The following TIGIT variants were observed in gnomAD, a reference collection of about 807,000 sequenced individuals.
TIGIT encodes T cell immunoreceptor with Ig and ITIM domains.
Under a neutral mutation model 19.6 loss-of-function variants are expected in TIGIT, and 11 were observed. The observed-to-expected ratio is 0.56, with a 90% CI of 0.35 to 0.93. TIGIT has a LOEUF of 0.93. Ranked by LOEUF, TIGIT falls within the 40% of genes least tolerant of loss-of-function variation. TIGIT has a pLI of 0.01. For missense variants in TIGIT, 295 were observed against 303.9 expected, an observed-to-expected ratio of 0.97 and a Z score of 0.22; for synonymous variants, 130 against 125.5, an observed-to-expected ratio of 1.04 and a Z score of -0.24.
Position 114,295,804 on chromosome 3 carries a change from C to T in TIGIT, c.321C>T (p.Phe107=). The T allele has an allele frequency of 1.9e-6, 3 of 1,614,196 alleles. No homozygotes were observed. Among genetic ancestry groups the T allele is most frequent in the African/African-American group, 1.3e-5 (1 of 75,046 alleles). The change falls in exon 2 of 4, where the codon TTC becomes TTT. Residue 107 remains phenylalanine, a synonymous_variant. Coordinates refer to ENST00000383671, the MANE Select transcript of TIGIT (RefSeq NM_173799.4). ...CCGTGAACGATACAGGGGAGTACTTCTGCATCTATCACACCTACCCTGATG... is the reference window on the plus strand; with the variant it reads ...CCGTGAACGATACAGGGGAGTACTTTTGCATCTATCACACCTACCCTGATG... ...SLTVNDTGEY[F]CIYHTYPDGT...
Position 114,303,496 on chromosome 3 carries a change from T to C in TIGIT, c.498+3793T>C, listed in dbSNP as rs888900910. 8.2e-5 allele frequency among the ~76,000 whole-genome samples: 4 copies of C among 49,012 alleles called. No homozygotes were observed. The East Asian group carries it at 2.5e-3, about 31-fold the overall frequency. The allele number at this position is 49,012 out of a possible 152,430, so 32.2% of individuals were successfully genotyped here. On this transcript the variant is annotated intron_variant, in intron 3 of 3. Transcript: ENST00000383671. ...GCTGAGTAGTATTCCATGGTGTGTA[T>C]ATATATATGTATATATATATACACA... is the stretch of plus-strand genomic sequence containing the variant.
chr3:114,294,028 A>G lies in TIGIT; in HGVS notation c.-34A>G. On this transcript the variant is annotated 5_prime_UTR_variant, in exon 1 of 4. Transcript: ENST00000383671. ...GCTACTTTCAGTGGCAGAAGAGGCC[A>G]CATCTGCTTCCTGTAGGCCCTCTGG... 1 of 1,515,356 alleles carries G rather than the reference A, an allele frequency of 6.6e-7. No individual in the cohort carries two copies. The highest frequency in any genetic ancestry group is 9.0e-7 in the Non-Finnish European group (1 of 1,113,604). 93.9% of individuals were successfully genotyped at this position (1,515,356 alleles called of 1,614,324 possible).
At chr3:114,294,454 G>A (rs2078440696) in intron 1 of TIGIT, among the ~76,000 whole-genome samples, 1 of 152,286 alleles carries the variant, frequency 6.6e-6, no homozygotes, top group African/African-American at 2.4e-5. Context: ...TCCTGCTCCA[G>A]CTTCTTTTCT....
rs149263615 is a variant in TIGIT, at chr3:114,299,622, G to T, written c.417G>T (p.Gln139His). The T allele has an allele frequency of 7.0e-5, 113 of 1,613,488 alleles. No homozygotes were observed. In the East Asian group the frequency reaches 2.4e-3, roughly 34 times the overall value. ...SSVAEHGARF[Q>H]IPLLGAMAAT... Reference sequence around the variant, plus strand: ...TGGCTGAGCACGGTGCCAGGTTCCAGATTCCATTGCTTGGAGCCATGGCCG... The same window carrying T: ...TGGCTGAGCACGGTGCCAGGTTCCATATTCCATTGCTTGGAGCCATGGCCG... The change falls in exon 3 of 4, where the codon CAG becomes CAT. Residue 139 changes from glutamine to histidine, a missense_variant. Physicochemically the swap from Gln to His is conservative, Grantham distance 24 (BLOSUM62 0). Transcript: ENST00000383671.
intron 3 of TIGIT, among the ~76,000 whole-genome samples, chr3:114,304,770 G>A (rs2078520118): frequency 6.6e-6 from 1 of 152,228 alleles, no homozygotes; most frequent in Admixed American, 6.5e-5. Flanking sequence ...CCATCAAGGG[G>A]AAGTGGGCCA....
chr3:114,302,846 A>C (rs1380272753), intron 3 of TIGIT, among the ~76,000 whole-genome samples: 1 of 152,222 alleles, frequency 6.6e-6, no homozygotes, highest in Non-Finnish European at 1.5e-5. Flanking sequence ...TAGAAAAGTC[A>C]ATATAATCAG....
rs73856293 is a variant in TIGIT, at chr3:114,294,137, C to A, written c.61+15C>A. 2.1e-3 allele frequency: 3,225 copies of A among 1,546,348 alleles called. 69 individuals carry two copies. The African/African-American group carries it at 0.04, about 19-fold the overall frequency. On this transcript the variant is annotated intron_variant, in intron 1 of 3. Coordinates refer to ENST00000383671, the MANE Select transcript of TIGIT (RefSeq NM_173799.4). ...CCTCGCCTCAGGTAAGGCCTGAAAC[C>A]CAGCAGAGCAGCAGGGAGGAAAAAC...
chr3:114,295,279 G>C (rs1012590212), intron 1 of TIGIT, among the ~76,000 whole-genome samples: 1 of 152,156 alleles, frequency 6.6e-6, no homozygotes, highest in Non-Finnish European at 1.5e-5. Flanking sequence ...GGCTGGAGTA[G>C]AGATGTGTGG....
In TIGIT at chr3:114,295,710, A is replaced by C; in HGVS notation, c.227A>C (p.His76Pro). ...ATTTGTAATGCTGACTTGGGGTGGC[A>C]CATCTCCCCATCCTTCAAGGATCGA... ...LAICNADLGW[H>P]ISPSFKDRVA... Residue 76 changes from histidine to proline, a missense_variant, in exon 2 of 4, where the codon CAC (histidine) becomes CCC (proline). His to Pro is a moderately conservative substitution (Grantham distance 77, BLOSUM62 -2). Coordinates refer to ENST00000383671, the MANE Select transcript of TIGIT (RefSeq NM_173799.4). 1.9e-6 allele frequency: 3 copies of C among 1,614,222 alleles called. No homozygotes were observed. Among genetic ancestry groups the C allele is most frequent in the Non-Finnish European group, 2.5e-6 (3 of 1,180,034 alleles).
chr3:114,295,530 C>A lies in TIGIT; in HGVS notation c.62-15C>A, dbSNP rs777506631. On this transcript the variant is annotated splice_polypyrimidine_tract_variant and intron_variant, in intron 1 of 3. Transcript: ENST00000383671. ...GCTGACCCAGGACTCACATGTGCTT[C>A]GTCCTCTTCCCTAGGAATGATGACA... 1 of 1,599,242 alleles carries A rather than the reference C, an allele frequency of 6.3e-7. No individual in the cohort carries two copies. Among genetic ancestry groups the A allele is most frequent in the East Asian group, 2.2e-5 (1 of 44,778 alleles).
chr3:114,295,633 C>T lies in TIGIT; in HGVS notation c.150C>T (p.Thr50=), dbSNP rs745341665. The change falls in exon 2 of 4, where the codon ACC becomes ACT. Residue 50 remains threonine, a synonymous_variant. Coordinates refer to ENST00000383671, the MANE Select transcript of TIGIT (RefSeq NM_173799.4). ...SIILQCHLSS[T]TAQVTQVNWE... Reference sequence around the variant, plus strand: ...TCTTACAATGTCACCTCTCCTCCACCACGGCACAAGTGACCCAGGTCAACT... The same window carrying T: ...TCTTACAATGTCACCTCTCCTCCACTACGGCACAAGTGACCCAGGTCAACT... The T allele has an allele frequency of 6.2e-7, 1 of 1,614,196 alleles. No individual in the cohort carries two copies. Among genetic ancestry groups the T allele is most frequent in the Admixed American group, 1.7e-5 (1 of 60,028 alleles).
rs150817616 is a variant in TIGIT, at chr3:114,300,702, C to T, written c.498+999C>T. 4.6e-4 allele frequency among the ~76,000 whole-genome samples: 70 copies of T among 152,068 alleles called. No homozygotes were observed. In the East Asian group the frequency reaches 9.7e-3, roughly 21 times the overall value. On this transcript the variant is annotated intron_variant, in intron 3 of 3. Transcript: ENST00000383671. ...AAGTCCAGGAGCATGGTGTATTTGG[C>T]GAGGTTCATCCCACGGCAGAAGGCA... is the stretch of plus-strand genomic sequence containing the variant.
chr3:114,299,591 C>G lies in TIGIT; in HGVS notation c.392-6C>G, dbSNP rs201882472. The G allele has an allele frequency of 1.8e-3, 2,854 of 1,609,536 alleles. 6 individuals are homozygous for G. The highest frequency in any genetic ancestry group is 2.1e-3 in the Non-Finnish European group (2,455 of 1,176,504). On this transcript the variant is annotated splice_polypyrimidine_tract_variant and splice_region_variant and intron_variant, in intron 2 of 3. Transcript: ENST00000383671. ...GCCACTCATCTCTGTTTTGTCCTCCCTCTAGTGGCTGAGCACGGTGCCAGG... is the reference window on the plus strand; with the variant it reads ...GCCACTCATCTCTGTTTTGTCCTCCGTCTAGTGGCTGAGCACGGTGCCAGG...
chr3:114,296,268 G>T (rs2078453156), intron 2 of TIGIT, among the ~76,000 whole-genome samples: 3 of 152,208 alleles, frequency 2.0e-5, no homozygotes, highest in Admixed American at 6.5e-5. Flanking sequence ...AGTAGAGCTG[G>T]TTAAAAACAT....
At chr3:114,305,698 A>G (rs2078529015) in intron 3 of TIGIT, among the ~76,000 whole-genome samples, 1 of 152,022 alleles carries the variant, frequency 6.6e-6, no homozygotes. Flanking sequence ...GGAAAATGGG[A>G]GTGCTGGTCA....
At chr3:114,296,253 T>C (rs1024141512) in intron 2 of TIGIT, among the ~76,000 whole-genome samples, 2 of 152,238 alleles carry the variant, frequency 1.3e-5, no homozygotes, top group Non-Finnish European at 2.9e-5. Context: ...CCTAAGTGTA[T>C]AAAGAGTAGA....
rs778538488 is a variant in TIGIT at position 114,309,230 on chromosome 3, C to T, written c.*1099C>T. On this transcript the variant is annotated 3_prime_UTR_variant, in exon 4 of 4. Coordinates refer to ENST00000383671, the MANE Select transcript of TIGIT (RefSeq NM_173799.4). ...GATAGAGGGTTTAAAAAATAAACAC[C>T]TTCAAACTAACTTCTTCGAACCCTT... 5 of 152,172 alleles carry T rather than the reference C, an allele frequency of 3.3e-5. No homozygotes were observed. The highest frequency in any genetic ancestry group is 2.6e-4 in the Admixed American group (4 of 15,278). The allele number at this position is 152,172 out of a possible 1,614,324, so 9.4% of individuals were successfully genotyped here.
At chr3:114,297,314 G>C (rs115947417) in intron 2 of TIGIT, among the ~76,000 whole-genome samples, 1,535 of 152,284 alleles carry the variant, frequency 0.01, 31 homozygotes, top group African/African-American at 0.035. Flanking sequence ...TCGATAAAAT[G>C]TGGCAAATAA....
intron 3 of TIGIT, among the ~76,000 whole-genome samples, chr3:114,302,178 C>T (rs912223380): frequency 3.9e-5 from 6 of 152,204 alleles, no homozygotes; most frequent in Non-Finnish European, 7.3e-5. Context: ...TCATCTCATT[C>T]CTCTCTCCAT....
Sources: gnomAD v4.1 joint callset for allele counts (sites outside exome capture counted in the v4.1 genomes callset) on GRCh38, gnomAD v4.1.1 for gene constraint, MANE v1.5 for transcripts, NCBI Gene and HGNC (gene_info 2026-07-23, HGNC 2026-07-21) for gene names.